LOC400499: variants seen among roughly 807,000 people sequenced by gnomAD.
chr16:11,452,815 G>A, the LOC400499 span, among the ~76,000 whole-genome samples: 7 of 152,192 alleles, frequency 4.6e-5, no homozygotes, highest in Admixed American at 1.3e-4. Flanking sequence ...CTGGGCAACT[G>A]CTTTAGGCCA....
the LOC400499 span, chr16:11,472,585 C>G: frequency 3.3e-5 from 5 of 152,266 alleles, no homozygotes; most frequent in African/African-American, 1.2e-4. Context: ...AGCTTGGCCA[C>G]TTCCCAGCTG....
chr16:11,506,174 T>C, the LOC400499 span, among the ~76,000 whole-genome samples: 4 of 152,110 alleles, frequency 2.6e-5, no homozygotes, highest in East Asian at 1.9e-4. Context: ...GTAGCTAGGA[T>C]TACAGGCTCC....
the LOC400499 span, among the ~76,000 whole-genome samples, chr16:11,521,390 A>T: frequency 6.6e-6 from 1 of 152,204 alleles, no homozygotes; most frequent in Non-Finnish European, 1.5e-5. Context: ...AACTTCCAGA[A>T]AATCTCAATG....
At chr16:11,392,866 C>G in the LOC400499 span, 2 of 921,604 alleles carry the variant, frequency 2.2e-6, no homozygotes, top group African/African-American at 3.6e-5. Context: ...TTTTGTTTTA[C>G]TTTTTGAGAC....
chr16:11,383,047 T>C, the LOC400499 span, among the ~76,000 whole-genome samples: 1 of 149,964 alleles, frequency 6.7e-6, no homozygotes, highest in Non-Finnish European at 1.5e-5. Context: ...GAGGAGAGAG[T>C]ACAAAGAGAG....
the LOC400499 span, among the ~76,000 whole-genome samples, chr16:11,455,160 C>T: frequency 6.6e-6 from 1 of 152,212 alleles, no homozygotes; most frequent in South Asian, 2.1e-4. Flanking sequence ...CATGATAGGA[C>T]ACCATATATC....
chr16:11,392,637 C>T, the LOC400499 span: 1 of 538,778 alleles, frequency 1.9e-6, no homozygotes, highest in South Asian at 9.7e-5. Context: ...TGAGCTGCAC[C>T]ACCTAGAGCA....
the LOC400499 span, among the ~76,000 whole-genome samples, chr16:11,455,063 T>C: frequency 6.6e-6 from 1 of 152,254 alleles, no homozygotes; most frequent in Non-Finnish European, 1.5e-5. Flanking sequence ...CTGAAAATTC[T>C]GTAATTAGTA....
At chr16:11,372,614 G>A in the LOC400499 span, 3 of 428,096 alleles carry the variant, frequency 7.0e-6, no homozygotes, top group South Asian at 2.9e-4. Flanking sequence ...GAGTTTCCCG[G>A]CATTCCATGC....
At chr16:11,382,003 C>G in the LOC400499 span, among the ~76,000 whole-genome samples, 1 of 151,278 alleles carries the variant, frequency 6.6e-6, no homozygotes. Flanking sequence ...AGTGCAGTGG[C>G]GCAATCTCGG....
At chr16:11,425,652 C>G in the LOC400499 span, among the ~76,000 whole-genome samples, 4 of 152,134 alleles carry the variant, frequency 2.6e-5, no homozygotes, top group South Asian at 8.3e-4. Context: ...CAAAATAATT[C>G]AGAAAATCTG....
At chr16:11,472,544 C>T in the LOC400499 span, 5 of 152,284 alleles carry the variant, frequency 3.3e-5, no homozygotes, top group East Asian at 7.7e-4. Flanking sequence ...AGAACACAGG[C>T]TCTGCAGCAA....
the LOC400499 span, among the ~76,000 whole-genome samples, chr16:11,527,463 T>TA: frequency 2.7e-3 from 418 of 152,310 alleles, 3 homozygotes; most frequent in African/African-American, 9.5e-3. Context: ...ACTACTCTCC[T>TA]AGCCTTGTAA....
At chr16:11,521,688 C>T in the LOC400499 span, among the ~76,000 whole-genome samples, 1 of 152,182 alleles carries the variant, frequency 6.6e-6, no homozygotes, top group Non-Finnish European at 1.5e-5. Context: ...TCTTCTCACT[C>T]CACGAACTCC....
At chr16:11,488,988 T>G in the LOC400499 span, 1 of 396,208 alleles carries the variant, frequency 2.5e-6, no homozygotes, top group Non-Finnish European at 4.4e-6. Flanking sequence ...GCACGGGGGC[T>G]TCTCAGGAGT....
At chr16:11,412,785 G>T in the LOC400499 span, 4 of 398,506 alleles carry the variant, frequency 1.0e-5, no homozygotes, top group East Asian at 1.1e-4. Context: ...GTGCACAGCA[G>T]GTACCCAGTC....
At chr16:11,457,941 C>G in the LOC400499 span, among the ~76,000 whole-genome samples, 55 of 152,324 alleles carry the variant, frequency 3.6e-4, 1 homozygote, top group Non-Finnish European at 6.5e-4. Context: ...GTGGCTCACA[C>G]CTGTAATCCC....
At chr16:11,421,981 G>C in the LOC400499 span, among the ~76,000 whole-genome samples, 1 of 152,178 alleles carries the variant, frequency 6.6e-6, no homozygotes, top group Non-Finnish European at 1.5e-5. Flanking sequence ...GATGTGGAGG[G>C]TTTGAGACGT....
At chr16:11,527,391 G>A in the LOC400499 span, among the ~76,000 whole-genome samples, 1 of 152,124 alleles carries the variant, frequency 6.6e-6, no homozygotes, top group Non-Finnish European at 1.5e-5. Flanking sequence ...ACAGAGAGGA[G>A]GGGAGGGGGC....
Sources: allele counts gnomAD v4.1 joint callset (sites outside exome capture counted in the v4.1 genomes callset), GRCh38; gene constraint gnomAD v4.1.1; transcripts MANE v1.5.